Variants in LMO7 observed in about 807,000 individuals in gnomAD.
The protein encoded by LMO7 is LIM domain 7.
A neutral mutation model predicts 206.5 loss-of-function variants in LMO7; 120 were observed. The observed-to-expected ratio is 0.58, with a 90% CI of 0.50 to 0.68. The LOEUF (loss-of-function observed/expected upper bound fraction) is 0.68, where lower values mean the gene tolerates loss of function less well. Among genes scored for constraint, LMO7 ranks in the 30% least tolerant of loss-of-function variants. The probability of loss-of-function intolerance (pLI) is 0.00; values close to 1 mark genes in which losing one functional copy is unlikely to be tolerated. For synonymous variants in LMO7, 706 were observed against 681.5 expected (o/e 1.04, Z -0.56); for missense variants, 1,959 against 1,957.9 (o/e 1.00, Z -0.01).
chr13:75,737,797 A>AAAT (rs2046033962), intron 3 of LMO7, among the ~76,000 whole-genome samples: 1 of 134,412 alleles, frequency 7.4e-6, no homozygotes, highest in Non-Finnish European at 1.6e-5. Context: ...AAAAAAAAAA[A>AAAT]AAAACTTTTT....
chr13:75,672,851 C>T (rs2039706887), intron 1 of LMO7, among the ~76,000 whole-genome samples: 1 of 152,230 alleles, frequency 6.6e-6, no homozygotes, highest in East Asian at 1.9e-4. Context: ...TAACTATGTT[C>T]TCTTCCCTTC....
intron 4 of LMO7, among the ~76,000 whole-genome samples, chr13:75,782,197 G>T (rs1327391417): frequency 1.3e-5 from 2 of 152,150 alleles, no homozygotes; most frequent in Non-Finnish European, 2.9e-5. Flanking sequence ...TGAAAATTTG[G>T]TAACAAAATT....
rs2035853799 is a variant in LMO7 at position 75,636,388 on chromosome 13, G to A, written c.-270G>A. On this transcript the variant is annotated 5_prime_UTR_variant, in exon 1 of 31. Coordinates refer to ENST00000377534, the MANE Select transcript of LMO7 (RefSeq NM_001306080.2). ...GCTGGGCACCCGCTTCGCTTCCCGCGTCCTGCCTGACTGCCCGGGTCCCCG... is the reference window on the plus strand; with the variant it reads ...GCTGGGCACCCGCTTCGCTTCCCGCATCCTGCCTGACTGCCCGGGTCCCCG... 3.9e-6 allele frequency: 5 copies of A among 1,296,720 alleles called. No individual in the cohort carries two copies. Among genetic ancestry groups the A allele is most frequent in the Non-Finnish European group, 4.9e-6 (5 of 1,021,228 alleles). 80.3% of individuals were successfully genotyped at this position (1,296,720 alleles called of 1,614,324 possible).
At chr13:75,755,213 G>T (rs946178315) in intron 3 of LMO7, among the ~76,000 whole-genome samples, 1 of 152,056 alleles carries the variant, frequency 6.6e-6, no homozygotes, top group African/African-American at 2.4e-5. Flanking sequence ...CTTCACTGCC[G>T]CTTATTATTT....
intron 12 of LMO7, among the ~76,000 whole-genome samples, chr13:75,817,487 T>G (rs1169274648): frequency 1.3e-5 from 2 of 152,176 alleles, no homozygotes; most frequent in Admixed American, 1.3e-4. Context: ...AAAATATACC[T>G]GGATGTTTAT....
Position 75,845,097 on chromosome 13 carries a change from G to C in LMO7, c.4098-230G>C, listed in dbSNP as rs17065126. Among the ~76,000 whole-genome samples the C allele has an allele frequency of 1.9e-4, 29 of 152,246 alleles. 1 individual carries two copies. Among genetic ancestry groups the C allele is most frequent in the East Asian group, 1.7e-3 (9 of 5,178 alleles). ...ATACAAACTGGAGAAGTACTGTCAC[G>C]TGTTTGTATCTATTTCCAGCATTTC... On this transcript the variant is annotated intron_variant, in intron 25 of 30. Transcript: ENST00000377534.
chr13:75,674,669 T>G (rs2039862563), intron 1 of LMO7, among the ~76,000 whole-genome samples: 1 of 152,236 alleles, frequency 6.6e-6, no homozygotes, highest in East Asian at 1.9e-4. Flanking sequence ...TTGTAGTTTT[T>G]ATTCTTAATA....
At chr13:75,771,549 TAAA>T (rs2049692796) in intron 4 of LMO7, among the ~76,000 whole-genome samples, 1 of 152,220 alleles carries the variant, frequency 6.6e-6, no homozygotes, top group East Asian at 1.9e-4. Context: ...AATTAGTCTT[TAAA>T]AACAGAATTT....
chr13:75,771,477 G>T (rs1278801855), intron 4 of LMO7, among the ~76,000 whole-genome samples: 4 of 42,526 alleles, frequency 9.4e-5, no homozygotes, highest in African/African-American at 3.4e-4. Context: ...AATCTAAATT[G>T]CTCGGGATCA....
At chr13:75,709,708 CA>C (rs2042934344) in intron 1 of LMO7, among the ~76,000 whole-genome samples, 1 of 152,102 alleles carries the variant, frequency 6.6e-6, no homozygotes, top group African/African-American at 2.4e-5. Context: ...AGCCCTTTGT[CA>C]GATGAGTAAG....
At chr13:75,646,560 C>T (rs1244994591) in intron 1 of LMO7, among the ~76,000 whole-genome samples, 1 of 150,226 alleles carries the variant, frequency 6.7e-6, no homozygotes, top group East Asian at 2.0e-4. Flanking sequence ...AGCTGTTACT[C>T]AGATGTAGAG....
At chr13:75,827,620 G>A (rs1161876466) in intron 15 of LMO7, among the ~76,000 whole-genome samples, 1 of 152,130 alleles carries the variant, frequency 6.6e-6, no homozygotes. Flanking sequence ...CCAAGGCAAG[G>A]AAGAGGGAGT....
At chr13:75,832,753 A>G (rs948840588) in intron 15 of LMO7, among the ~76,000 whole-genome samples, 10 of 152,280 alleles carry the variant, frequency 6.6e-5, no homozygotes, top group Non-Finnish European at 1.0e-4. Context: ...GTTAGACCCA[A>G]TTGTACAGTG....
At chr13:75,807,257 TCTG>T (rs1433868419) in intron 9 of LMO7, 18 of 532,552 alleles carry the variant, frequency 3.4e-5, no homozygotes, top group Non-Finnish European at 4.7e-5. Flanking sequence ...AGAAGTATGC[TCTG>T]CTCTTATTTC....
intron 1 of LMO7, among the ~76,000 whole-genome samples, chr13:75,668,804 A>G (rs891650957): frequency 6.6e-6 from 1 of 152,236 alleles, no homozygotes; most frequent in African/African-American, 2.4e-5. Context: ...TAGAAAAACA[A>G]CTTGGCTATA....
chr13:75,850,351 G>A (rs1013887660), intron 27 of LMO7, among the ~76,000 whole-genome samples: 2 of 152,102 alleles, frequency 1.3e-5, no homozygotes, highest in Non-Finnish European at 1.5e-5. Flanking sequence ...TTAAGCAAAA[G>A]TTTATATATC....
chr13:75,786,179 G>A (rs981365790), intron 4 of LMO7, among the ~76,000 whole-genome samples: 1 of 152,082 alleles, frequency 6.6e-6, no homozygotes, highest in African/African-American at 2.4e-5. Context: ...TGGGTTAAAG[G>A]ACACAATGTA....
At chr13:75,659,528 TGAG>T (rs568157486) in intron 1 of LMO7, among the ~76,000 whole-genome samples, 114 of 151,884 alleles carry the variant, frequency 7.5e-4, no homozygotes, top group African/African-American at 2.7e-3. Flanking sequence ...CAAGAGAAAA[TGAG>T]GAAGAAGCAA....
At chr13:75,644,413 G>T (rs959812453) in intron 1 of LMO7, among the ~76,000 whole-genome samples, 1 of 152,118 alleles carries the variant, frequency 6.6e-6, no homozygotes, top group Non-Finnish European at 1.5e-5. Context: ...TGGGAGTGGC[G>T]CTGGCCAGGT....
Sources: allele counts gnomAD v4.1 joint callset (sites outside exome capture counted in the v4.1 genomes callset), GRCh38; gene constraint gnomAD v4.1.1; transcripts MANE v1.5; gene names NCBI Gene and HGNC (gene_info 2026-07-23, HGNC 2026-07-21).